SGTB: variants seen among roughly 807,000 people sequenced by gnomAD.
SGTB encodes small glutamine-rich tetratricopeptide repeat-containing protein beta.
In SGTB, 19 loss-of-function variants were observed where a neutral mutation model predicts 43.9. That is an observed-to-expected ratio of 0.43 (90% CI 0.30 to 0.63). The LOEUF (loss-of-function observed/expected upper bound fraction) is 0.63, where lower values mean the gene tolerates loss of function less well. Among genes scored for constraint, SGTB ranks in the 30% least tolerant of loss-of-function variants. The probability of loss-of-function intolerance (pLI) is 0.12; values close to 1 mark genes in which losing one functional copy is unlikely to be tolerated. For synonymous variants in SGTB, 116 were observed against 117.3 expected, an observed-to-expected ratio of 0.99 and a Z score of 0.07; for missense variants, 304 against 358.9, an observed-to-expected ratio of 0.85 and a Z score of 1.24.
intron 8 of SGTB, 146 bp downstream of exon 8, chr5:65,680,348 A>G: frequency 2.6e-6 from 2 of 780,974 alleles, no homozygotes; most frequent in Non-Finnish European, 4.0e-6. Flanking sequence ...AGTTGGAAAT[A>G]AAAAAACAGA....
chr5:65,700,661 A>C (rs1390087327), intron 5 of SGTB, among the ~76,000 whole-genome samples: 1 of 145,984 alleles, frequency 6.9e-6, no homozygotes, highest in Admixed American at 6.9e-5. Context: ...AGCCTGGGCG[A>C]CAGAGTGAGA....
At chr5:65,717,556 G>A (rs572405247) in intron 2 of SGTB, among the ~76,000 whole-genome samples, 46 of 151,790 alleles carry the variant, frequency 3.0e-4, no homozygotes, top group African/African-American at 9.4e-4. Context: ...CAGGCAGGCC[G>A]AGTATGTGGG....
intron 4 of SGTB, among the ~76,000 whole-genome samples, chr5:65,707,429 C>CACACACACAT (rs1357373810): frequency 6.7e-6 from 1 of 148,676 alleles, no homozygotes; most frequent in Non-Finnish European, 1.5e-5. Context: ...CACACACACA[C>CACACACACAT]ACACACATAT....
In SGTB at chr5:65,674,834, T is replaced by A. The variant is rs149690115; in HGVS notation, c.682-2553A>T. ...GGGTAACCATTCTTAAAAAAAAAAA[T>A]GAAGTCACAAGATCTACAAAACATG... On this transcript the variant is annotated intron_variant, in intron 8 of 10. Coordinates refer to ENST00000381007, the MANE Select transcript of SGTB (RefSeq NM_019072.3). Among the ~76,000 whole-genome samples the A allele has an allele frequency of 2.7e-5, 4 of 150,688 alleles. No individual in the cohort carries two copies. The East Asian group carries it at 7.8e-4, about 29-fold the overall frequency.
chr5:65,695,641 A>G (rs1006381568), intron 5 of SGTB, among the ~76,000 whole-genome samples: 11 of 152,216 alleles, frequency 7.2e-5, no homozygotes, highest in Non-Finnish European at 1.6e-4. Context: ...TCACCTTATT[A>G]GAAACAAAAG....
intron 3 of SGTB, among the ~76,000 whole-genome samples, 165 bp from the exon 4 acceptor site, chr5:65,708,723 C>G (rs73099342): frequency 6.6e-6 from 1 of 151,774 alleles, no homozygotes; most frequent in Non-Finnish European, 1.5e-5. Context: ...GGGAAAAGTC[C>G]TCTCATATAT....
intron 6 of SGTB, among the ~76,000 whole-genome samples, chr5:65,683,790 C>T (rs1757445998): frequency 6.6e-6 from 1 of 151,768 alleles, no homozygotes; most frequent in Admixed American, 6.6e-5. Context: ...ACTAAAAATA[C>T]AAAAAATTAG....
chr5:65,688,966 C>T (rs982105238), intron 5 of SGTB, among the ~76,000 whole-genome samples: 1 of 151,906 alleles, frequency 6.6e-6, no homozygotes, highest in African/African-American at 2.4e-5. Context: ...CCCGCCACCA[C>T]GCCCAGCTAA....
At chr5:65,691,767 A>T (rs1292344780) in intron 5 of SGTB, among the ~76,000 whole-genome samples, 1 of 151,484 alleles carries the variant, frequency 6.6e-6, no homozygotes, top group Non-Finnish European at 1.5e-5. Flanking sequence ...AGTGAAACTA[A>T]AAATACAAAA....
At chr5:65,718,024 C>T (rs1758184052) in intron 2 of SGTB, among the ~76,000 whole-genome samples, 1 of 151,836 alleles carries the variant, frequency 6.6e-6, no homozygotes, top group African/African-American at 2.4e-5. Context: ...ATTGGAGGTA[C>T]TGGTTGGGTC....
intron 10 of SGTB, among the ~76,000 whole-genome samples, chr5:65,671,237 A>G (rs1757148179): frequency 6.6e-6 from 1 of 152,098 alleles, no homozygotes; most frequent in African/African-American, 2.4e-5. Context: ...AAAATGGGGG[A>G]TTAATAGCTT....
intron 6 of SGTB, among the ~76,000 whole-genome samples, chr5:65,681,045 TCTTA>T (rs1757386958): frequency 6.6e-6 from 1 of 152,154 alleles, no homozygotes; most frequent in Admixed American, 6.5e-5. Flanking sequence ...TTAGAGATTA[TCTTA>T]CTTACTCTAC....
rs749215027 is a variant in SGTB, at chr5:65,667,185, T to C, written c.*3061A>G. The C allele has an allele frequency of 1.3e-5, 2 of 152,192 alleles. No homozygotes were observed. The highest frequency in any genetic ancestry group is 2.9e-5 in the Non-Finnish European group (2 of 68,014). 9.4% of individuals were successfully genotyped at this position (152,192 alleles called of 1,614,324 possible). Reference sequence around the variant, plus strand: ...TCTGTTTCATCTAAGTTGTTAAATATACAATCCTTGAGTTGGTCATGGTGT... The same window carrying C: ...TCTGTTTCATCTAAGTTGTTAAATACACAATCCTTGAGTTGGTCATGGTGT... On this transcript the variant is annotated 3_prime_UTR_variant, in exon 11 of 11. Coordinates refer to ENST00000381007, the MANE Select transcript of SGTB (RefSeq NM_019072.3).
At position 65,702,797 on chromosome 5, in the gene SGTB, T is replaced by C. The variant is rs541275718; in HGVS notation, c.374+1482A>G. Among the ~76,000 whole-genome samples, 11 of 152,118 alleles carry C rather than the reference T, an allele frequency of 7.2e-5. No homozygotes were observed. The South Asian group carries it at 2.1e-3, about 29-fold the overall frequency. On this transcript the variant is annotated intron_variant, in intron 5 of 10. Coordinates refer to ENST00000381007, the MANE Select transcript of SGTB (RefSeq NM_019072.3). ...CTATAGAAGGTATAAATAGAAAATT[T>C]AGGAAAAAACAAATAAAAATGGCCA...
intron 8 of SGTB, among the ~76,000 whole-genome samples, chr5:65,674,962 T>C (rs878964365): frequency 6.6e-6 from 1 of 152,226 alleles, no homozygotes; most frequent in Admixed American, 6.5e-5. Flanking sequence ...ATCTGTGCAT[T>C]TCAGTTCAAC....
chr5:65,716,863 T>C lies in SGTB; in HGVS notation c.101-3799A>G, dbSNP rs534528599. ...TATTTAAGGCTAAGAAGCCGAATGA[T>C]ATCACCAAAGAAATGGGTATAGATA... is the stretch of plus-strand genomic sequence containing the variant. On this transcript the variant is annotated intron_variant, in intron 2 of 10. Transcript: ENST00000381007. 1.3e-4 allele frequency among the ~76,000 whole-genome samples: 20 copies of C among 152,126 alleles called. 1 individual carries two copies. The South Asian group carries it at 3.9e-3, about 30-fold the overall frequency.
At chr5:65,694,414 A>C (rs1490440807) in intron 5 of SGTB, among the ~76,000 whole-genome samples, 2 of 152,218 alleles carry the variant, frequency 1.3e-5, no homozygotes, top group African/African-American at 4.8e-5. Context: ...CCTGGGTGAC[A>C]AGGAAAAAAA....
chr5:65,684,067 G>A (rs1488628799), intron 6 of SGTB, among the ~76,000 whole-genome samples: 3 of 151,956 alleles, frequency 2.0e-5, no homozygotes, highest in Non-Finnish European at 4.4e-5. Context: ...CTGGGTAAAG[G>A]GATGGGTCCA....
intron 5 of SGTB, among the ~76,000 whole-genome samples, chr5:65,700,366 CT>C (rs1757788018): frequency 6.6e-6 from 1 of 152,056 alleles, no homozygotes; most frequent in Admixed American, 6.6e-5. Flanking sequence ...ATGTAAGGTA[CT>C]GTCATGAAAA....
Sources: gnomAD v4.1 joint callset for allele counts (sites outside exome capture counted in the v4.1 genomes callset) on GRCh38, gnomAD v4.1.1 for gene constraint, MANE v1.5 for transcripts, NCBI Gene and HGNC (gene_info 2026-07-23, HGNC 2026-07-21) for gene names.